Variants in TIGD5 observed in about 807,000 individuals in gnomAD.
TIGD5 encodes tigger transposable element-derived protein 5.
TIGD5 carries 24 observed loss-of-function variants against 28.8 expected under a neutral mutation model. That is an observed-to-expected ratio of 0.83 (90% CI 0.60 to 1.17). TIGD5 has a LOEUF of 1.17. Among genes scored for constraint, TIGD5 ranks in the 50% most tolerant of loss-of-function variants. The pLI, the probability that TIGD5 is intolerant of heterozygous loss-of-function variation, is 0.00. For missense variants in TIGD5, 922 were observed against 911.4 expected (o/e 1.01, Z -0.15); for synonymous variants, 538 against 430.5 (o/e 1.25, Z -3.09).
rs1829233554 is a variant in TIGD5 at position 143,599,921 on chromosome 8, G to T, written c.*89G>T. ...CCATCTCTCCTCCCCTCCCCCTGGG[G>T]TGGCCCACCGCATGGGTACAGGGGG... On this transcript the variant is annotated 3_prime_UTR_variant, in exon 1 of 1. Coordinates refer to ENST00000504548, the MANE Select transcript of TIGD5 (RefSeq NM_032862.5). The T allele has an allele frequency of 2.2e-6, 3 of 1,373,850 alleles. No individual in the cohort carries two copies. The highest frequency in any genetic ancestry group is 2.8e-6 in the Non-Finnish European group (3 of 1,059,484). 85.1% of individuals were successfully genotyped at this position (1,373,850 alleles called of 1,614,324 possible).
chr8:143,600,624 G>C lies in TIGD5; in HGVS notation c.*792G>C, dbSNP rs1829247396. 6.6e-6 allele frequency: 1 copy of C among 152,180 alleles called. No homozygotes were observed. The highest frequency in any genetic ancestry group is 2.4e-5 in the African/African-American group (1 of 41,428). The allele number at this position is 152,180 out of a possible 1,614,324, so 9.4% of individuals were successfully genotyped here. Reference sequence around the variant, plus strand: ...TTCCTCATCAGCCACAGACCATTCTGTCCAGTCCCAGGGCCTGGAGCCACC... The same window carrying C: ...TTCCTCATCAGCCACAGACCATTCTCTCCAGTCCCAGGGCCTGGAGCCACC... On this transcript the variant is annotated 3_prime_UTR_variant, in exon 1 of 1. Transcript: ENST00000504548.
rs1199407365 is a variant in TIGD5, at chr8:143,597,918, C to A, written c.15C>A (p.Gly5=). The A allele has an allele frequency of 7.1e-6, 6 of 843,494 alleles. No homozygotes were observed. The highest frequency in any genetic ancestry group is 8.5e-6 in the Non-Finnish European group (6 of 703,026). The allele number at this position is 843,494 out of a possible 1,614,324, so 52.3% of individuals were successfully genotyped here. The change falls in exon 1 of 1, where the codon GGC becomes GGA. Residue 5 remains glycine (G), a synonymous_variant. Coordinates refer to ENST00000504548, the MANE Select transcript of TIGD5 (RefSeq NM_032862.5). ...CCGCCGCAGCCATGTACCCCGCGGGCCCCCCGGCCGGCCCGGTACCGCGCC... is the reference window on the plus strand; with the variant it reads ...CCGCCGCAGCCATGTACCCCGCGGGACCCCCGGCCGGCCCGGTACCGCGCC... The part of the protein sequence containing the change: MYPA[G]PPAGPVPRRG...
rs1829181296 is a variant in TIGD5 at position 143,598,968 on chromosome 8, G to A, written c.1065G>A (p.Leu355=). The A allele has an allele frequency of 6.3e-7, 1 of 1,579,294 alleles. No individual in the cohort carries two copies. The change falls in exon 1 of 1, where the codon CTG becomes CTA. Residue 355 remains leucine (L), a synonymous_variant. Transcript: ENST00000504548. The surrounding 1 kb of genome is among the most constrained non-coding windows in gnomAD (Gnocchi z 6.6). ...GCTGCCTGCAGCAGAAGGCCGTGCT[G>A]CTGGTGGCCCACCCGCCCTGCCCAA... ...RRSCLQQKAV[L]LVAHPPCPSP...
chr8:143,598,315 C>A lies in TIGD5; in HGVS notation c.412C>A (p.His138Asn). The change falls in exon 1 of 1, where the codon CAC becomes AAC. Residue 138 changes from histidine to asparagine, a missense_variant. His to Asn is a moderately conservative substitution (Grantham distance 68). Around this residue, in one of 3 missense-constraint regions of TIGD5, gnomAD observed 821 missense variants for 815.2 expected, o/e 1.01. Transcript: ENST00000504548. This position sits in a 1 kb window ranked among gnomAD's most constrained non-coding sequence, Gnocchi z 6.6. ...VYAWFLALRQ[H>N]GVPLSGPLIQ... The stretch of plus-strand genomic sequence containing the variant: ...CGCCTGGTTCCTGGCGCTGCGCCAG[C>A]ACGGGGTGCCGCTGTCTGGCCCGCT... The A allele has an allele frequency of 1.2e-6, 2 of 1,608,536 alleles. No individual in the cohort carries two copies.
chr8:143,602,059 G>A lies in TIGD5; in HGVS notation c.*2227G>A, dbSNP rs1344638180. ...TGCAGTGAGCCAAGATCACAACACCGCGCTCCAGTCTGCGCGACAGAGCGA... is the reference window on the plus strand; with the variant it reads ...TGCAGTGAGCCAAGATCACAACACCACGCTCCAGTCTGCGCGACAGAGCGA... On this transcript the variant is annotated 3_prime_UTR_variant, in exon 1 of 1. Coordinates refer to ENST00000504548, the MANE Select transcript of TIGD5 (RefSeq NM_032862.5). The A allele has an allele frequency of 2.1e-5, 3 of 141,654 alleles. No homozygotes were observed. The highest frequency in any genetic ancestry group is 2.0e-4 in the East Asian group (1 of 4,890). The allele number at this position is 141,654 out of a possible 1,614,324, so 8.8% of individuals were successfully genotyped here. A position where few individuals can be genotyped will look rare whatever the true frequency, so the allele number is the denominator to read the frequency against.
Position 143,600,110 on chromosome 8 carries a change from A to G in TIGD5, c.*278A>G, listed in dbSNP as rs1829237073. ...TACAAGGCACAGCGCCTGTTGGAAC[A>G]GGTGGCTGTGTTCCTGCTCTGGCCC... On this transcript the variant is annotated 3_prime_UTR_variant, in exon 1 of 1. Transcript: ENST00000504548. 1 of 373,046 alleles carries G rather than the reference A, an allele frequency of 2.7e-6. No homozygotes were observed. Among genetic ancestry groups the G allele is most frequent in the Non-Finnish European group, 4.8e-6 (1 of 210,008 alleles). 23.1% of individuals were successfully genotyped at this position (373,046 alleles called of 1,614,324 possible).
rs776671130 is a variant in TIGD5 at position 143,603,204 on chromosome 8, G to C, written c.*3372G>C. 6.6e-6 allele frequency: 1 copy of C among 152,186 alleles called. No homozygotes were observed. The highest frequency in any genetic ancestry group is 1.9e-4 in the East Asian group (1 of 5,194). The allele number at this position is 152,186 out of a possible 1,614,324, so 9.4% of individuals were successfully genotyped here. A position where few individuals can be genotyped will look rare whatever the true frequency, so the allele number is the denominator to read the frequency against. ...CAGTGGCTTTATCTAATAAAGGCTGGACATGTCCACTTCATGAGCATCCCT... is the reference window on the plus strand; with the variant it reads ...CAGTGGCTTTATCTAATAAAGGCTGCACATGTCCACTTCATGAGCATCCCT... On this transcript the variant is annotated 3_prime_UTR_variant, in exon 1 of 1. Transcript: ENST00000504548.
rs755989895 is a variant in TIGD5, at chr8:143,599,422, A to T, written c.1519A>T (p.Ser507Cys). Residue 507 changes from serine (S) to cysteine (C), a missense_variant, in exon 1 of 1, where the codon AGC becomes TGC. Physicochemically the swap from Ser to Cys is moderately radical, Grantham distance 112. This residue lies in a region of TIGD5 where 821 missense variants were observed against 815.2 expected (regional missense o/e 1.01). Transcript: ENST00000504548. ...PAQAEEAAEH[S>C]RVLSDLTHLA... ...CCAGGCCGAGGAAGCCGCCGAGCAC[A>T]GCAGGGTGCTCAGCGACCTCACCCA... 6.4e-7 allele frequency: 1 copy of T among 1,572,018 alleles called. No homozygotes were observed. The highest frequency in any genetic ancestry group is 8.6e-7 in the Non-Finnish European group (1 of 1,159,402).
Position 143,598,561 on chromosome 8 carries a change from G to GC in TIGD5, c.662dup (p.Ala222GlyfsTer113). ...CGGCGCCGGCCCCCTGCCCGACCGCGCCCCGGCCCCGCCGCCCCCGGCCGA... is the reference window on the plus strand; with the variant it reads ...CGGCGCCGGCCCCCTGCCCGACCGCGCCCCCGGCCCCGCCGCCCCCGGCCGA... On this transcript the variant is annotated frameshift_variant, in exon 1 of 1. Transcript: ENST00000504548. LOFTEE classifies it high-confidence loss of function. The surrounding 1 kb of genome is among the most constrained non-coding windows in gnomAD (Gnocchi z 6.6). 7.6e-7 allele frequency: 1 copy of GC among 1,313,120 alleles called. No homozygotes were observed. Among genetic ancestry groups the GC allele is most frequent in the Non-Finnish European group, 9.6e-7 (1 of 1,038,534 alleles). 81.3% of individuals were successfully genotyped at this position (1,313,120 alleles called of 1,614,324 possible). A position where few individuals can be genotyped will look rare whatever the true frequency, so the allele number is the denominator to read the frequency against.
rs1399141044 is a variant in TIGD5 at position 143,599,283 on chromosome 8, G to A, written c.1380G>A (p.Leu460=). The A allele has an allele frequency of 1.9e-6, 3 of 1,610,440 alleles. No individual in the cohort carries two copies. The Admixed American group carries it at 5.0e-5, about 27-fold the overall frequency. The change falls in exon 1 of 1, where the codon CTG becomes CTA. Residue 460 remains leucine, a synonymous_variant. Transcript: ENST00000504548. ...RSFMLKDMLY[L]AGLSWDLVQA... is the part of the protein sequence containing the mutation. ...TCATGCTCAAGGACATGCTCTACCT[G>A]GCTGGCCTCTCCTGGGACCTGGTGC...
chr8:143,599,808 A>G lies in TIGD5; in HGVS notation c.1905A>G (p.Pro635=), dbSNP rs141432344. The change falls in exon 1 of 1, where the codon CCA becomes CCG. Residue 635 remains proline, a synonymous_variant. Coordinates refer to ENST00000504548, the MANE Select transcript of TIGD5 (RefSeq NM_032862.5). ...GGCTGGGGGGCATCGGGCATACCCCAGCAGGCCCCTATGACGGTGTGTGAC... is the reference window on the plus strand; with the variant it reads ...GGCTGGGGGGCATCGGGCATACCCCGGCAGGCCCCTATGACGGTGTGTGAC... ...ARRLGGIGHT[P]AGPYDGV The G allele has an allele frequency of 1.0e-4, 153 of 1,482,892 alleles. No individual in the cohort carries two copies. Among genetic ancestry groups the G allele is most frequent in the Non-Finnish European group, 1.2e-4 (134 of 1,125,792 alleles). The allele number at this position is 1,482,892 out of a possible 1,614,324, so 91.9% of individuals were successfully genotyped here.
chr8:143,598,253 G>A lies in TIGD5; in HGVS notation c.350G>A (p.Arg117Gln). 1 of 1,609,694 alleles carries A rather than the reference G, an allele frequency of 6.2e-7. No homozygotes were observed. The highest frequency in any genetic ancestry group is 1.1e-5 in the South Asian group (1 of 90,882). ...GTGGGCACTCAGCGCAAGAAGATGC[G>A]GCTGGCCAACGAGGAGGAGATCGAC... ...GEVGTQRKKM[R>Q]LANEEEIDRA... is the part of the protein sequence containing the mutation. The change falls in exon 1 of 1, where the codon CGG (arginine) becomes CAG (glutamine). Residue 117 changes from arginine (R) to glutamine (Q), a missense_variant. Transcript: ENST00000504548. The surrounding 1 kb of genome is among the most constrained non-coding windows in gnomAD (Gnocchi z 6.6).
chr8:143,599,822 A>T lies in TIGD5; in HGVS notation c.1919A>T (p.Asp640Val), dbSNP rs2131390480. ...GIGHTPAGPY[D>V]GV is the part of the protein sequence containing the mutation. ...GGGCATACCCCAGCAGGCCCCTATGACGGTGTGTGACCAGGCCAGCCCAGT... is the reference window on the plus strand; with the variant it reads ...GGGCATACCCCAGCAGGCCCCTATGTCGGTGTGTGACCAGGCCAGCCCAGT... The change falls in exon 1 of 1, where the codon GAC becomes GTC. Residue 640 changes from aspartate to valine, a missense_variant. Asp to Val is a radical substitution (Grantham distance 152). This residue lies in a region of TIGD5 where 821 missense variants were observed against 815.2 expected (regional missense o/e 1.01). Coordinates refer to ENST00000504548, the MANE Select transcript of TIGD5 (RefSeq NM_032862.5). 1 of 1,476,904 alleles carries T rather than the reference A, an allele frequency of 6.8e-7. No homozygotes were observed. Among genetic ancestry groups the T allele is most frequent in the Non-Finnish European group, 8.9e-7 (1 of 1,123,402 alleles). The allele number at this position is 1,476,904 out of a possible 1,614,324, so 91.5% of individuals were successfully genotyped here.
In TIGD5 at chr8:143,598,131, T is replaced by C; in HGVS notation, c.228T>C (p.Ser76=). The C allele has an allele frequency of 6.3e-7, 1 of 1,587,714 alleles. No homozygotes were observed. Among genetic ancestry groups the C allele is most frequent in the Non-Finnish European group, 8.6e-7 (1 of 1,169,276 alleles). Residue 76 remains serine, a synonymous_variant, in exon 1 of 1, where the codon AGT becomes AGC. Coordinates refer to ENST00000504548, the MANE Select transcript of TIGD5 (RefSeq NM_032862.5). This position sits in a 1 kb window ranked among gnomAD's most constrained non-coding sequence, Gnocchi z 6.6. ...TCAAGGGCGGCGAGCGGCAGGCCAG[T>C]GTGTGCCGCGACTTCGGCGTGCCGG... ...ERVKGGERQA[S]VCRDFGVPGG... is the part of the protein sequence containing the mutation.
chr8:143,602,591 C>T lies in TIGD5; in HGVS notation c.*2759C>T, dbSNP rs1829284624. On this transcript the variant is annotated 3_prime_UTR_variant, in exon 1 of 1. Coordinates refer to ENST00000504548, the MANE Select transcript of TIGD5 (RefSeq NM_032862.5). ...GGCTGGGGTGAGGCTGCATCTGCTT[C>T]CTCTAACAGCCGTGGCTGCCTGCGG... 6.6e-6 allele frequency: 1 copy of T among 152,276 alleles called. No individual in the cohort carries two copies. Among genetic ancestry groups the T allele is most frequent in the African/African-American group, 2.4e-5 (1 of 41,470 alleles). 9.4% of individuals were successfully genotyped at this position (152,276 alleles called of 1,614,324 possible).
chr8:143,599,257 T>C lies in TIGD5; in HGVS notation c.1354T>C (p.Phe452Leu), dbSNP rs1226488739. 5.0e-6 allele frequency: 8 copies of C among 1,611,524 alleles called. No homozygotes were observed. The highest frequency in any genetic ancestry group is 6.8e-6 in the Non-Finnish European group (8 of 1,179,622). The change falls in exon 1 of 1, where the codon TTC becomes CTC. Residue 452 changes from phenylalanine to leucine, a missense_variant. This residue lies in a region of TIGD5 where 821 missense variants were observed against 815.2 expected (regional missense o/e 1.01). Coordinates refer to ENST00000504548, the MANE Select transcript of TIGD5 (RefSeq NM_032862.5). ...SGSPLDFMRS[F>L]MLKDMLYLAG... ...CTCCCCGCTGGACTTCATGCGCAGC[T>C]TCATGCTCAAGGACATGCTCTACCT...
At position 143,602,414 on chromosome 8, in the gene TIGD5, TC is replaced by T. The variant is rs1829281997; in HGVS notation, c.*2583del. On this transcript the variant is annotated 3_prime_UTR_variant, in exon 1 of 1. Transcript: ENST00000504548. ...TGCAGCTCACTAACCCTCTCTGGGT[TC>T]TGCTCAGTGTCTGAAGTGATGGAAA... is the stretch of plus-strand genomic sequence containing the variant. The T allele has an allele frequency of 6.6e-6, 1 of 152,364 alleles. No individual in the cohort carries two copies. The highest frequency in any genetic ancestry group is 2.1e-4 in the South Asian group (1 of 4,828). 9.4% of individuals were successfully genotyped at this position (152,364 alleles called of 1,614,324 possible). A position where few individuals can be genotyped will look rare whatever the true frequency, so the allele number is the denominator to read the frequency against.
chr8:143,599,194 CG>C lies in TIGD5; in HGVS notation c.1292del (p.Arg431ProfsTer165). The C allele has an allele frequency of 6.2e-7, 1 of 1,611,002 alleles. No homozygotes were observed. On this transcript the variant is annotated frameshift_variant, in exon 1 of 1. Transcript: ENST00000504548. LOFTEE classifies it high-confidence loss of function. ...VVAAFKQLYKRELLRLAVSCA... is the reference protein window; with the variant it reads ...VVAAFKQLYKXELLRLAVSCA... ...GGCCGCCTTCAAACAGCTGTACAAGCGCGAGCTGCTGCGACTGGCTGTGTCC... is the reference window on the plus strand; with the variant it reads ...GGCCGCCTTCAAACAGCTGTACAAGCCGAGCTGCTGCGACTGGCTGTGTCC...
Position 143,598,420 on chromosome 8 carries a change from T to C in TIGD5, c.517T>C (p.Trp173Arg), listed in dbSNP as rs1829145451. The change falls in exon 1 of 1, where the codon TGG becomes CGG. Residue 173 changes from tryptophan to arginine, a missense_variant. Trp to Arg is a moderately radical substitution (Grantham distance 101, BLOSUM62 -3). Coordinates refer to ENST00000504548, the MANE Select transcript of TIGD5 (RefSeq NM_032862.5). This position sits in a 1 kb window ranked among gnomAD's most constrained non-coding sequence, Gnocchi z 6.6. ...CTTCAAGGCCAGCCACGGCTGGTTC[T>C]GGCGCTGGCAGAAGCGCCACGGCAT... is the stretch of plus-strand genomic sequence containing the variant. ...CTFKASHGWF[W>R]RWQKRHGISS... 2 of 1,508,696 alleles carry C rather than the reference T, an allele frequency of 1.3e-6. No homozygotes were observed. The highest frequency in any genetic ancestry group is 1.4e-5 in the African/African-American group (1 of 69,834). The allele number at this position is 1,508,696 out of a possible 1,614,324, so 93.5% of individuals were successfully genotyped here. A position where few individuals can be genotyped will look rare whatever the true frequency, so the allele number is the denominator to read the frequency against.
Sources: allele counts gnomAD v4.1 joint callset, GRCh38; gene constraint gnomAD v4.1.1; regional missense constraint gnomAD v4.1.1; non-coding constraint Gnocchi (gnomAD v3.1); transcripts MANE v1.5; gene names NCBI Gene and HGNC (gene_info 2026-07-23, HGNC 2026-07-21).